Variants in SPAST observed in about 807,000 individuals in gnomAD.
SPAST encodes spastic paraplegia 4 (autosomal dominant; spastin).
SPAST carries 30 observed loss-of-function variants against 76.6 expected under a neutral mutation model. The observed-to-expected ratio is 0.39, with a 90% CI of 0.29 to 0.53. The LOEUF (loss-of-function observed/expected upper bound fraction) is 0.53. Among genes scored for constraint, SPAST ranks in the 20% least tolerant of loss-of-function variants. SPAST has a pLI of 0.68. For missense variants in SPAST, 717 were observed against 770.5 expected, an observed-to-expected ratio of 0.93 and a Z score of 0.82; for synonymous variants, 305 against 281.0, an observed-to-expected ratio of 1.09 and a Z score of -0.86.
intron 1 of SPAST, among the ~76,000 whole-genome samples, chr2:32,070,677 T>C (rs1043868010): frequency 1.3e-5 from 2 of 152,210 alleles, no homozygotes; most frequent in African/African-American, 4.8e-5. Context: ...TTGTTCAGGC[T>C]GGAGTGCAAT....
chr2:32,125,910 T>C (rs1679174647), intron 7 of SPAST, among the ~76,000 whole-genome samples: 1 of 152,148 alleles, frequency 6.6e-6, no homozygotes, highest in African/African-American at 2.4e-5. Context: ...TTTTCCTGCC[T>C]CAGCCTCCTG....
At chr2:32,125,216 A>T (rs1030417789) in intron 7 of SPAST, among the ~76,000 whole-genome samples, 5 of 151,122 alleles carry the variant, frequency 3.3e-5, no homozygotes, top group African/African-American at 9.7e-5. Context: ...TTTTATTTTT[A>T]TTTTTTTTTA....
chr2:32,127,371 G>A (rs548207572), intron 8 of SPAST: 87 of 305,320 alleles, frequency 2.8e-4, no homozygotes, highest in African/African-American at 1.8e-3. Flanking sequence ...TCCTACCTGG[G>A]CCTCCTAAAG....
intron 7 of SPAST, among the ~76,000 whole-genome samples, chr2:32,126,109 CCT>C (rs1234112959): frequency 6.6e-6 from 1 of 152,076 alleles, no homozygotes; most frequent in Non-Finnish European, 1.5e-5. Context: ...CCGGCCAGTT[CCT>C]CTGTTTTTGA....
intron 2 of SPAST, 69 bp downstream of exon 2, chr2:32,087,647 C>CTATCTATT: frequency 3.9e-6 from 2 of 516,044 alleles, no homozygotes; most frequent in Non-Finnish European, 6.8e-6. Context: ...GATTTCAGAT[C>CTATCTATT]TATTTATTTA....
chr2:32,082,833 C>T (rs946091193), intron 1 of SPAST, among the ~76,000 whole-genome samples: 6 of 152,120 alleles, frequency 3.9e-5, no homozygotes, highest in Non-Finnish European at 7.3e-5. Flanking sequence ...ATCCCTTTTC[C>T]TACATATGTC....
chr2:32,092,539 T>C (rs1413110864), intron 3 of SPAST, among the ~76,000 whole-genome samples: 1 of 152,238 alleles, frequency 6.6e-6, no homozygotes, highest in Non-Finnish European at 1.5e-5. Flanking sequence ...GACTTTGTAC[T>C]TTCTTATTTG....
At chr2:32,114,196 G>A (rs1427702064) in intron 4 of SPAST, among the ~76,000 whole-genome samples, 2 of 152,160 alleles carry the variant, frequency 1.3e-5, no homozygotes, top group Admixed American at 1.3e-4. Flanking sequence ...CCTGAGCCCA[G>A]GAGTTCGAGA....
chr2:32,107,896 TTTTAC>T (rs1323352875), intron 4 of SPAST, among the ~76,000 whole-genome samples: 1 of 152,162 alleles, frequency 6.6e-6, no homozygotes, highest in African/African-American at 2.4e-5. Flanking sequence ...TTCTGTGATG[TTTTAC>T]TTGGATGAGT....
chr2:32,149,508 C>A (rs114667748), intron 16 of SPAST, among the ~76,000 whole-genome samples: 1,532 of 152,180 alleles, frequency 0.01, 15 homozygotes, highest in African/African-American at 0.035. Context: ...ATGGTCATAA[C>A]TCTGTGAGCA....
At chr2:32,068,293 A>G (rs1176396780) in intron 1 of SPAST, among the ~76,000 whole-genome samples, 2 of 145,520 alleles carry the variant, frequency 1.4e-5, no homozygotes, top group African/African-American at 5.1e-5. Context: ...TTTGATTTCT[A>G]ATGTGGACAT....
chr2:32,146,170 T>C (rs1188762251), intron 15 of SPAST, among the ~76,000 whole-genome samples: 2 of 152,218 alleles, frequency 1.3e-5, no homozygotes, highest in African/African-American at 2.4e-5. Flanking sequence ...TTAGAAACAG[T>C]AGCTAATGCA....
chr2:32,105,804 C>G (rs1678297901), intron 4 of SPAST, among the ~76,000 whole-genome samples: 1 of 152,164 alleles, frequency 6.6e-6, no homozygotes, highest in Non-Finnish European at 1.5e-5. Flanking sequence ...ATGTTGCTGT[C>G]TGATCCTTCC....
chr2:32,081,836 T>G (rs1677243183), intron 1 of SPAST, among the ~76,000 whole-genome samples: 1 of 142,688 alleles, frequency 7.0e-6, no homozygotes, highest in African/African-American at 2.5e-5. Context: ...GCTGGGCTCA[T>G]CTCTGCTGGC....
intron 7 of SPAST, among the ~76,000 whole-genome samples, chr2:32,119,871 G>T (rs1321051891): frequency 6.6e-6 from 1 of 152,054 alleles, no homozygotes; most frequent in Non-Finnish European, 1.5e-5. Flanking sequence ...TCTGTATCCT[G>T]TGCAGCTTGT....
Position 32,155,162 on chromosome 2 carries a change from A to G in SPAST, c.*666A>G, listed in dbSNP as rs552322081. On this transcript the variant is annotated 3_prime_UTR_variant, in exon 17 of 17. Coordinates refer to ENST00000315285, the MANE Select transcript of SPAST (RefSeq NM_014946.4). ...GCTACCAAACAGTTTAGATAGCAATATAATAGCAAAAAAGCAAATATGGTA... is the reference window on the plus strand; with the variant it reads ...GCTACCAAACAGTTTAGATAGCAATGTAATAGCAAAAAAGCAAATATGGTA... 6.5e-6 allele frequency: 1 copy of G among 153,054 alleles called. No homozygotes were observed. Among genetic ancestry groups the G allele is most frequent in the African/African-American group, 2.4e-5 (1 of 41,584 alleles). The allele number at this position is 153,054 out of a possible 1,614,324, so 9.5% of individuals were successfully genotyped here. A position where few individuals can be genotyped will look rare whatever the true frequency, so the allele number is the denominator to read the frequency against.
chr2:32,091,246 TA>T (rs1486095115), intron 3 of SPAST, among the ~76,000 whole-genome samples: 1 of 516 alleles, frequency 1.9e-3, no homozygotes, highest in Non-Finnish European at 3.2e-3. Context: ...AATATGAAGC[TA>T]TTATTATTAT....
rs867112401 is a variant in SPAST, at chr2:32,138,923, T to G, written c.1493+1735T>G. ...GCCATTTATTGAATAGGGAGTCCTT[T>G]TCCTCATTGCTTGTTTTTGTCAGTC... is the stretch of plus-strand genomic sequence containing the variant. On this transcript the variant is annotated intron_variant, in intron 12 of 16. Transcript: ENST00000315285. Among the ~76,000 whole-genome samples the G allele has an allele frequency of 3.3e-5, 5 of 152,180 alleles. 1 individual carries two copies. In the South Asian group the frequency reaches 1.0e-3, roughly 31 times the overall value.
chr2:32,070,913 G>A (rs1029985989), intron 1 of SPAST, among the ~76,000 whole-genome samples: 2 of 152,190 alleles, frequency 1.3e-5, no homozygotes, highest in Admixed American at 6.5e-5. Flanking sequence ...TATATAAGGA[G>A]AAGCTGAAGT....
Sources: allele counts gnomAD v4.1 joint callset (sites outside exome capture counted in the v4.1 genomes callset), GRCh38; gene constraint gnomAD v4.1.1; transcripts MANE v1.5; gene names NCBI Gene and HGNC (gene_info 2026-07-23, HGNC 2026-07-21).